EFCAB6: variants seen among roughly 807,000 people sequenced by gnomAD.
EFCAB6 encodes EF-hand calcium binding domain 6.
EFCAB6 carries 156 observed loss-of-function variants against 169.8 expected under a neutral mutation model. The ratio of observed to expected loss-of-function variants is 0.92; its 90% CI spans 0.81 to 1.05. EFCAB6 has a LOEUF of 1.05. Among genes scored for constraint, EFCAB6 ranks in the 50% least tolerant of loss-of-function variants. The pLI is 0.00. For missense variants in EFCAB6, 1,800 were observed against 1,829.1 expected (o/e 0.98, Z 0.29); for synonymous variants, 698 against 676.4 (o/e 1.03, Z -0.50).
Position 43,742,453 on chromosome 22 carries a change from G to A in EFCAB6, c.508-6460C>T, listed in dbSNP as rs117440826. ...CTCCTCCACCCTATACACCATCCTCGCTTACTTACATCTGAGTGGGTGAGG... is the reference window on the plus strand; with the variant it reads ...CTCCTCCACCCTATACACCATCCTCACTTACTTACATCTGAGTGGGTGAGG... On this transcript the variant is annotated intron_variant, in intron 6 of 31. Coordinates refer to ENST00000262726, the MANE Select transcript of EFCAB6 (RefSeq NM_022785.4). Among the ~76,000 whole-genome samples, 25 of 152,246 alleles carry A rather than the reference G, an allele frequency of 1.6e-4. No individual in the cohort carries two copies. The East Asian group carries it at 4.4e-3, about 27-fold the overall frequency.
chr22:43,601,742 G>A (rs79960503), intron 22 of EFCAB6, among the ~76,000 whole-genome samples: 2,944 of 152,316 alleles, frequency 0.019, 97 homozygotes, highest in African/African-American at 0.068. Flanking sequence ...ATAGACGTTT[G>A]GGTAAATGTT....
intron 6 of EFCAB6, among the ~76,000 whole-genome samples, chr22:43,741,360 G>C (rs1181643178): frequency 6.6e-6 from 1 of 152,018 alleles, no homozygotes; most frequent in Non-Finnish European, 1.5e-5. Flanking sequence ...TCAGTTATGG[G>C]GCCTCTTCCT....
At chr22:43,779,463 C>T (rs1399962099) in intron 3 of EFCAB6, among the ~76,000 whole-genome samples, 2 of 152,094 alleles carry the variant, frequency 1.3e-5, no homozygotes, top group East Asian at 1.9e-4. Flanking sequence ...AAAAAAATGC[C>T]GGGCACGGTG....
chr22:43,703,397 G>C (rs1026958199), intron 10 of EFCAB6, among the ~76,000 whole-genome samples: 1 of 152,262 alleles, frequency 6.6e-6, no homozygotes, highest in Admixed American at 6.5e-5. Context: ...GCCAGAAAAG[G>C]TGGTTGTCTT....
chr22:43,712,044 C>T (rs2059180332), intron 9 of EFCAB6, among the ~76,000 whole-genome samples: 1 of 152,010 alleles, frequency 6.6e-6, no homozygotes, highest in Admixed American at 6.6e-5. Context: ...ATAGAAGTAG[C>T]TTTTACAGTA....
chr22:43,665,471 G>A (rs928528221), intron 17 of EFCAB6, among the ~76,000 whole-genome samples: 2 of 152,308 alleles, frequency 1.3e-5, no homozygotes, highest in Non-Finnish European at 1.5e-5. Context: ...AGTTTCCCGT[G>A]AATTTGTGAA....
intron 22 of EFCAB6, among the ~76,000 whole-genome samples, chr22:43,603,715 G>A (rs987429075): frequency 6.6e-6 from 1 of 152,254 alleles, no homozygotes; most frequent in Admixed American, 6.5e-5. Context: ...GCCTAGGCCA[G>A]GCAGCAGAGG....
chr22:43,592,164 T>C (rs1182471979), intron 23 of EFCAB6, among the ~76,000 whole-genome samples: 1 of 152,168 alleles, frequency 6.6e-6, no homozygotes, highest in Non-Finnish European at 1.5e-5. Flanking sequence ...TCAGTGGGAA[T>C]ATTCAGGGTG....
intron 8 of EFCAB6, among the ~76,000 whole-genome samples, chr22:43,725,591 G>T (rs1464774769): frequency 6.6e-6 from 1 of 152,124 alleles, no homozygotes; most frequent in Non-Finnish European, 1.5e-5. Context: ...TTTTGGAGGG[G>T]GCTAACATTG....
At chr22:43,540,907 A>T (rs2047676411) in intron 27 of EFCAB6, among the ~76,000 whole-genome samples, 1 of 152,214 alleles carries the variant, frequency 6.6e-6, no homozygotes, top group Non-Finnish European at 1.5e-5. Context: ...GGAGCGGTTT[A>T]TGGCTTTGTA....
intron 30 of EFCAB6, among the ~76,000 whole-genome samples, chr22:43,533,041 G>A (rs903049201): frequency 1.3e-5 from 2 of 152,250 alleles, no homozygotes; most frequent in Non-Finnish European, 2.9e-5. Context: ...TGGAGCTGAC[G>A]CCATGATGGC....
At chr22:43,618,237 A>G (rs960537451) in intron 20 of EFCAB6, among the ~76,000 whole-genome samples, 1 of 148,166 alleles carries the variant, frequency 6.7e-6, no homozygotes. Context: ...AGAAAGAAAG[A>G]GAGAGAAAGA....
chr22:43,773,160 A>C, intron 3 of EFCAB6, 57 bp from the exon 4 acceptor site: 1 of 1,557,370 alleles, frequency 6.4e-7, no homozygotes, highest in Non-Finnish European at 8.8e-7. Context: ...TACTAAACAG[A>C]AACTCTTGCA....
Position 43,731,694 on chromosome 22 carries a change from C to T in EFCAB6, c.757+5G>A. The stretch of plus-strand genomic sequence containing the variant: ...TCTTTAGCTATATACTTTAAAAATA[C>T]TTACCTTGATTTCCCATACAATATC... On this transcript the variant is annotated splice_donor_5th_base_variant and intron_variant, in intron 8 of 31. Transcript: ENST00000262726. 6.4e-7 allele frequency: 1 copy of T among 1,551,858 alleles called. No individual in the cohort carries two copies. Among genetic ancestry groups the T allele is most frequent in the South Asian group, 1.2e-5 (1 of 81,884 alleles).
chr22:43,795,109 C>A lies in EFCAB6; in HGVS notation c.-7-12784G>T, dbSNP rs1015029110. ...CCTCACACACTGTAAGACCCACCCC[C>A]ACAAACCTAGAAATCAAATGAAAAA... is the stretch of plus-strand genomic sequence containing the variant. On this transcript the variant is annotated intron_variant, in intron 2 of 31. Transcript: ENST00000262726. This position sits in a 1 kb window ranked among gnomAD's most constrained non-coding sequence, Gnocchi z 4.2. Among the ~76,000 whole-genome samples the A allele has an allele frequency of 1.3e-5, 2 of 152,252 alleles. No homozygotes were observed. The highest frequency in any genetic ancestry group is 1.9e-4 in the East Asian group (1 of 5,184).
At position 43,536,162 on chromosome 22, in the gene EFCAB6, G is replaced by GT. The variant is rs2047372695; in HGVS notation, c.4048+1214dup. ...CAATAAGGACAGTAACACAGTGAAGGTTTATCACTCTCAAAATCAAAGAAT... is the reference window on the plus strand; with the variant it reads ...CAATAAGGACAGTAACACAGTGAAGGTTTTATCACTCTCAAAATCAAAGAAT... On this transcript the variant is annotated intron_variant, in intron 29 of 31. Transcript: ENST00000262726. 3 of 152,018 alleles carry GT rather than the reference G, an allele frequency of 2.0e-5. No individual in the cohort carries two copies. The South Asian group carries it at 6.2e-4, about 32-fold the overall frequency. The allele number at this position is 152,018 out of a possible 1,614,324, so 9.4% of individuals were successfully genotyped here.
chr22:43,784,676 T>TATACATAC (rs1439765812), intron 2 of EFCAB6, among the ~76,000 whole-genome samples: 1 of 63,114 alleles, frequency 1.6e-5, no homozygotes, highest in Non-Finnish European at 3.0e-5. Context: ...TATACATATA[T>TATACATAC]ACACACACAC....
intron 2 of EFCAB6, among the ~76,000 whole-genome samples, chr22:43,800,178 C>T (rs1200326261): frequency 6.6e-6 from 1 of 152,198 alleles, no homozygotes; most frequent in African/African-American, 2.4e-5. Flanking sequence ...TGGACACAAA[C>T]CCTACCCAAC....
intron 8 of EFCAB6, among the ~76,000 whole-genome samples, chr22:43,721,657 T>C (rs954644019): frequency 6.6e-6 from 1 of 152,306 alleles, no homozygotes; most frequent in East Asian, 1.9e-4. Flanking sequence ...TTCTCCCTAT[T>C]AAATAAATAG....
Sources: allele counts gnomAD v4.1 joint callset (sites outside exome capture counted in the v4.1 genomes callset), GRCh38; gene constraint gnomAD v4.1.1; non-coding constraint Gnocchi (gnomAD v3.1); transcripts MANE v1.5; gene names NCBI Gene and HGNC (gene_info 2026-07-23, HGNC 2026-07-21).